The following DDX59 variants were observed in gnomAD, a reference collection of about 807,000 sequenced individuals.
DDX59 encodes the protein probable ATP-dependent RNA helicase DDX59.
DDX59 carries 30 observed loss-of-function variants against 51.9 expected under a neutral mutation model. That is an observed-to-expected ratio of 0.58 (90% CI 0.43 to 0.78). The LOEUF (loss-of-function observed/expected upper bound fraction) is 0.78. Among genes scored for constraint, DDX59 ranks in the 30% least tolerant of loss-of-function variants. The pLI, the probability that DDX59 is intolerant of heterozygous loss-of-function variation, is 0.00. For missense variants in DDX59, 672 were observed against 730.8 expected, an observed-to-expected ratio of 0.92 and a Z score of 0.93; for synonymous variants, 255 against 253.3, an observed-to-expected ratio of 1.01 and a Z score of -0.06.
intron 2 of DDX59, among the ~76,000 whole-genome samples, chr1:200,665,598 C>T (rs1662674397): frequency 5.3e-5 from 8 of 152,138 alleles, no homozygotes; most frequent in Admixed American, 4.6e-4. Context: ...AACTGACACA[C>T]AAACTGTAGC....
intron 3 of DDX59, among the ~76,000 whole-genome samples, chr1:200,660,784 C>T (rs1322754537): frequency 6.6e-6 from 1 of 152,136 alleles, no homozygotes; most frequent in African/African-American, 2.4e-5. Flanking sequence ...CTGTGTGAGT[C>T]CACTGAAACA....
chr1:200,642,489 T>C (rs1661077206), downstream of DDX59, among the ~76,000 whole-genome samples: 1 of 152,166 alleles, frequency 6.6e-6, no homozygotes, highest in Middle Eastern at 3.2e-3. Context: ...ACCAAATTTT[T>C]TTAAAAGTCT....
intron 4 of DDX59, 142 bp from the exon 5 acceptor site, chr1:200,650,818 A>C: frequency 1.4e-6 from 1 of 693,692 alleles, no homozygotes. Flanking sequence ...AGAACTGGAA[A>C]AATATGTTTA....
At chr1:200,645,410 T>C (rs1661234929) in intron 7 of DDX59, among the ~76,000 whole-genome samples, 1 of 152,164 alleles carries the variant, frequency 6.6e-6, no homozygotes, top group Non-Finnish European at 1.5e-5. Flanking sequence ...CCCAAGTAGC[T>C]GGGATTACAG....
intron 3 of DDX59, among the ~76,000 whole-genome samples, chr1:200,661,202 A>G (rs1662352256): frequency 6.6e-6 from 1 of 152,244 alleles, no homozygotes; most frequent in Non-Finnish European, 1.5e-5. Context: ...TCCACTGGCC[A>G]GATAGAGATC....
intron 5 of DDX59, among the ~76,000 whole-genome samples, chr1:200,650,021 T>C (rs976597755): frequency 1.3e-4 from 19 of 151,966 alleles, no homozygotes; most frequent in African/African-American, 4.4e-4. Context: ...TTTTTTTGTA[T>C]TTTTAGTAGA....
chr1:200,648,007 C>G (rs979563162), intron 7 of DDX59, among the ~76,000 whole-genome samples: 1 of 112,310 alleles, frequency 8.9e-6, no homozygotes, highest in Non-Finnish European at 1.7e-5. Flanking sequence ...AAAATACATA[C>G]AGTTTTATAC....
At chr1:200,656,112 G>T (rs1003880437) in intron 4 of DDX59, among the ~76,000 whole-genome samples, 1 of 152,204 alleles carries the variant, frequency 6.6e-6, no homozygotes, top group Non-Finnish European at 1.5e-5. Flanking sequence ...TTACAGGCGT[G>T]AGCCAACGTG....
At chr1:200,645,583 G>A (rs1384140008) in intron 7 of DDX59, among the ~76,000 whole-genome samples, 1 of 152,090 alleles carries the variant, frequency 6.6e-6, no homozygotes, top group Non-Finnish European at 1.5e-5. Flanking sequence ...CATGTTGAGA[G>A]AATTAAATGG....
chr1:200,666,235 T>C lies in DDX59; in HGVS notation c.506A>G (p.Lys169Arg), dbSNP rs145978078. 62 of 1,614,134 alleles carry C rather than the reference T, an allele frequency of 3.8e-5. No individual in the cohort carries two copies. Among genetic ancestry groups the C allele is most frequent in the Non-Finnish European group, 5.0e-5 (59 of 1,180,048 alleles). Reference sequence around the variant, plus strand: ...AAGGTTCAAAATAAAGGGGTGCTCTTTGTAGACATAGGAAGCATTCAGTGG... The same window carrying C: ...AAGGTTCAAAATAAAGGGGTGCTCTCTGTAGACATAGGAAGCATTCAGTGG... Reference protein sequence around the residue: ...ESPLNASYVYKEHPFILNLQE... With the variant: ...ESPLNASYVYREHPFILNLQE... The change falls in exon 2 of 8, where the codon AAA (lysine) becomes AGA (arginine). Residue 169 changes from lysine to arginine, a missense_variant. Coordinates refer to ENST00000331314, the MANE Select transcript of DDX59 (RefSeq NM_001031725.6).
chr1:200,655,059 C>T (rs1439555709), intron 4 of DDX59: 1 of 152,122 alleles, frequency 6.6e-6, no homozygotes, highest in Non-Finnish European at 1.5e-5. Context: ...TATCGGCAAC[C>T]TCCTGAGCCA....
At chr1:200,663,781 AAAC>A in intron 3 of DDX59, 135 bp downstream of exon 3, 1 of 950,508 alleles carries the variant, frequency 1.1e-6, no homozygotes, top group Middle Eastern at 3.0e-4. Flanking sequence ...AAAAAAAAAA[AAAC>A]CTAAGGCTTA....
chr1:200,667,901 G>T (rs1403559655), intron 1 of DDX59, among the ~76,000 whole-genome samples: 1 of 151,708 alleles, frequency 6.6e-6, no homozygotes, highest in East Asian at 1.9e-4. Flanking sequence ...ATAGCATAAT[G>T]AAAAAATAAT....
Position 200,666,641 on chromosome 1 carries a change from A to G in DDX59, c.100T>C (p.Leu34=), listed in dbSNP as rs746204054. The G allele has an allele frequency of 2.4e-5, 39 of 1,614,082 alleles. No individual in the cohort carries two copies. The highest frequency in any genetic ancestry group is 1.6e-4 in the East Asian group (7 of 44,898). ...IIKPDPEDLQ[L]DKSRDVPVDA... ...ACGGGAACATCTCTGCTTTTGTCCA[A>G]CTGAAGGTCTTCTGGGTCTGGTTTA... The change falls in exon 2 of 8, where the codon TTG becomes CTG. Residue 34 remains leucine, a synonymous_variant. Transcript: ENST00000331314.
At chr1:200,661,955 T>C (rs1662402333) in intron 3 of DDX59, among the ~76,000 whole-genome samples, 1 of 152,050 alleles carries the variant, frequency 6.6e-6, no homozygotes, top group African/African-American at 2.4e-5. Flanking sequence ...ATAGTTCTTG[T>C]GAGATCTAGT....
At chr1:200,653,883 C>A (rs1661828481) in intron 4 of DDX59, among the ~76,000 whole-genome samples, 1 of 152,138 alleles carries the variant, frequency 6.6e-6, no homozygotes, top group African/African-American at 2.4e-5. Flanking sequence ...TCCAAGGTAA[C>A]CCCCCTCCCC....
intron 2 of DDX59, 134 bp downstream of exon 2, chr1:200,665,803 C>CT (rs1662687469): frequency 1.1e-6 from 1 of 906,776 alleles, no homozygotes; most frequent in African/African-American, 1.7e-5. Flanking sequence ...AGCAAAATCA[C>CT]TACAGGCACT....
chr1:200,663,832 T>C lies in DDX59; in HGVS notation c.972+87A>G, dbSNP rs57155598. 105,063 of 1,325,982 alleles carry C rather than the reference T, an allele frequency of 0.079. 7,656 individuals carry two copies. Among genetic ancestry groups the C allele is most frequent in the East Asian group, 0.4 (14,640 of 36,742 alleles). 82.1% of individuals were successfully genotyped at this position (1,325,982 alleles called of 1,614,324 possible). ...TTAAAGGCTCTCTAAAATCATACTTTTAAAAATTCTTCAAGGGGAAAAAAA... is the reference window on the plus strand; with the variant it reads ...TTAAAGGCTCTCTAAAATCATACTTCTAAAAATTCTTCAAGGGGAAAAAAA... On this transcript the variant is annotated intron_variant, in intron 3 of 7. Transcript: ENST00000331314.
chr1:200,651,790 C>T (rs1661676723), intron 4 of DDX59, among the ~76,000 whole-genome samples: 2 of 152,048 alleles, frequency 1.3e-5, no homozygotes. Flanking sequence ...GGGTGGATCA[C>T]GAGGTCAGGA....
Sources: allele counts gnomAD v4.1 joint callset (sites outside exome capture counted in the v4.1 genomes callset), GRCh38; gene constraint gnomAD v4.1.1; transcripts MANE v1.5; gene names NCBI Gene and HGNC (gene_info 2026-07-23, HGNC 2026-07-21).